ACACA: variants seen among roughly 807,000 people sequenced by gnomAD.
The protein encoded by ACACA is acetyl-CoA carboxylase alpha, also known as acetyl-CoA carboxylase 1.
Under a neutral mutation model 296.1 loss-of-function variants are expected in ACACA, and 103 were observed. That is an observed-to-expected ratio of 0.35 (90% confidence interval 0.30 to 0.41). The LOEUF is 0.41. ACACA is among the 10% of genes least tolerant of loss of function. The probability of loss-of-function intolerance (pLI) is 1.00; values close to 1 mark genes in which losing one functional copy is unlikely to be tolerated. For missense variants in ACACA, 1,554 were observed against 2,989.7 expected (o/e 0.52, Z 11.20); for synonymous variants, 953 against 1,038.6 (o/e 0.92, Z 1.58).
At chr17:37,190,333 A>C (rs1217673112) in intron 38 of ACACA, among the ~76,000 whole-genome samples, 1 of 152,016 alleles carries the variant, frequency 6.6e-6, no homozygotes, top group African/African-American at 2.4e-5. Context: ...GGGAGGCTGA[A>C]GCATGACAGT....
At chr17:37,146,701 G>C (rs1161665454) in intron 45 of ACACA, among the ~76,000 whole-genome samples, 1 of 147,200 alleles carries the variant, frequency 6.8e-6, no homozygotes, top group African/African-American at 2.5e-5. Flanking sequence ...TTGGAGAGGA[G>C]AGAGAAAGGG....
At chr17:37,201,287 A>G (rs570402452) in intron 33 of ACACA, among the ~76,000 whole-genome samples, 2 of 152,314 alleles carry the variant, frequency 1.3e-5, no homozygotes, top group South Asian at 4.1e-4. Context: ...AAAAATAGAA[A>G]AAAATGAGCC....
intron 3 of ACACA, among the ~76,000 whole-genome samples, chr17:37,291,538 TTGGGCCTCATCCAAAGCTGTCC>T (rs1330997408): frequency 6.6e-6 from 1 of 152,148 alleles, no homozygotes; most frequent in African/African-American, 2.4e-5. Context: ...CAAAGCTGTG[TTGGGCCTCATCCAAAGCTGTCC>T]TGGGCTACAT....
intron 15 of ACACA, 149 bp downstream of exon 15, chr17:37,252,737 G>A: frequency 2.0e-6 from 2 of 983,982 alleles, no homozygotes; most frequent in East Asian, 2.4e-5. Flanking sequence ...AACCATCAGA[G>A]TGCTAAAATT....
intron 35 of ACACA, among the ~76,000 whole-genome samples, chr17:37,198,456 T>C (rs2078101611): frequency 2.0e-5 from 3 of 152,242 alleles, no homozygotes; most frequent in Non-Finnish European, 2.9e-5. Flanking sequence ...GGCTCTGGCA[T>C]GTCTACCTTA....
chr17:37,158,935 G>C (rs2144355600), intron 42 of ACACA, among the ~76,000 whole-genome samples: 1 of 152,012 alleles, frequency 6.6e-6, no homozygotes, highest in African/African-American at 2.4e-5. Context: ...CTCAGCACTT[G>C]GGGAGGCCAA....
At chr17:37,096,927 C>A (rs976401908) in intron 54 of ACACA, 69 bp downstream of exon 54, 1 of 1,593,026 alleles carries the variant, frequency 6.3e-7, no homozygotes, top group African/African-American at 1.3e-5. Flanking sequence ...TCTTTGCTGG[C>A]GAGACTTGCA....
chr17:37,359,156 A>C (rs901658434), intron 1 of ACACA: 1 of 889,778 alleles, frequency 1.1e-6, no homozygotes, highest in Non-Finnish European at 1.3e-6. Context: ...CAGGGGCCTG[A>C]CCCGCCCCCG....
At chr17:37,277,224 A>G in intron 6 of ACACA, 110 bp from the exon 7 acceptor site, 2 of 931,522 alleles carry the variant, frequency 2.1e-6, no homozygotes, top group Non-Finnish European at 1.8e-6. Flanking sequence ...GTAGTTCCAC[A>G]GCAGCCTAAT....
At chr17:37,297,173 G>A (rs1318159817) in intron 3 of ACACA, among the ~76,000 whole-genome samples, 1 of 151,654 alleles carries the variant, frequency 6.6e-6, no homozygotes, top group African/African-American at 2.4e-5. Flanking sequence ...CGGGCGCGGT[G>A]GCTCACGCCT....
rs1240423958 is a variant in ACACA at position 37,297,544 on chromosome 17, T to TAC, written c.339-12575_339-12574insGT. On this transcript the variant is annotated intron_variant, in intron 3 of 55. Transcript: ENST00000616317. ...GTATATGTGTGTGTATATATATATA[T>TAC]ATACACTTTTTTTTTGAGATGGAGT... Among the ~76,000 whole-genome samples, 933 of 132,210 alleles carry TAC rather than the reference T, an allele frequency of 7.1e-3. 10 individuals carry two copies. Among genetic ancestry groups the TAC allele is most frequent in the African/African-American group, 0.032 (898 of 27,740 alleles). The allele number at this position is 132,210 out of a possible 152,430, so 86.7% of individuals were successfully genotyped here.
Position 37,248,582 on chromosome 17 carries a change from G to T in ACACA, c.2163+11C>A. On this transcript the variant is annotated intron_variant, in intron 17 of 55. Coordinates refer to ENST00000616317, the MANE Select transcript of ACACA (RefSeq NM_198834.3). ...AAAGTAAGGTGCAAGCTCCAATGGG[G>T]TTCTGCATACCTTAAGTACATACTT... The T allele has an allele frequency of 6.3e-7, 1 of 1,581,496 alleles. No homozygotes were observed. Among genetic ancestry groups the T allele is most frequent in the Non-Finnish European group, 8.7e-7 (1 of 1,151,254 alleles).
chr17:37,248,736 A>C, intron 16 of ACACA, 62 bp from the exon 17 acceptor site: 1 of 1,196,224 alleles, frequency 8.4e-7, no homozygotes, highest in Non-Finnish European at 1.2e-6. Flanking sequence ...AGAATCTAAA[A>C]CATTATTGAT....
Position 37,190,029 on chromosome 17 carries a change from G to GAA in ACACA, c.4572+1089_4572+1090dup, listed in dbSNP as rs34390024. 1.0e-3 allele frequency among the ~76,000 whole-genome samples: 134 copies of GAA among 133,474 alleles called. 1 individual carries two copies. The South Asian group carries it at 0.026, about 26-fold the overall frequency. The allele number at this position is 133,474 out of a possible 152,430, so 87.6% of individuals were successfully genotyped here. A position where few individuals can be genotyped will look rare whatever the true frequency, so the allele number is the denominator to read the frequency against. On this transcript the variant is annotated intron_variant, in intron 38 of 55. Coordinates refer to ENST00000616317, the MANE Select transcript of ACACA (RefSeq NM_198834.3). ...GTTTCTGTAAGAAAAAAAAGAAAAAGAAAAAAAAAAAAGCAGCAGCAGCAG... is the reference window on the plus strand; with the variant it reads ...GTTTCTGTAAGAAAAAAAAGAAAAAGAAAAAAAAAAAAAAGCAGCAGCAGCAG...
At chr17:37,354,729 A>T (rs2049054324) in intron 1 of ACACA, among the ~76,000 whole-genome samples, 1 of 151,948 alleles carries the variant, frequency 6.6e-6, no homozygotes, top group Non-Finnish European at 1.5e-5. Context: ...GTTCGAGACC[A>T]GTCTAGGCAG....
chr17:37,085,827 T>C lies in ACACA; in HGVS notation c.*1489A>G. ...GGTTAAGGCTCAGAACTGTGGCTTG[T>C]CCAAGAACGTTCATACCACTGCTTC... On this transcript the variant is annotated 3_prime_UTR_variant, in exon 56 of 56. Transcript: ENST00000616317. The C allele has an allele frequency of 2.5e-6, 1 of 399,106 alleles. No homozygotes were observed. 24.7% of individuals were successfully genotyped at this position (399,106 alleles called of 1,614,324 possible).
Position 37,154,495 on chromosome 17 carries a change from C to CT in ACACA, c.5447+1187dup, listed in dbSNP as rs376440026. On this transcript the variant is annotated intron_variant, in intron 43 of 55. Transcript: ENST00000616317. ...CAGTAAATAGTATTAGGACAATTAACTTTTTTTTTTCTTTTTTTTGAGATG... is the reference window on the plus strand; with the variant it reads ...CAGTAAATAGTATTAGGACAATTAACTTTTTTTTTTTCTTTTTTTTGAGATG... 8.8e-3 allele frequency among the ~76,000 whole-genome samples: 1,322 copies of CT among 150,008 alleles called. 19 individuals are homozygous for CT. Among genetic ancestry groups the CT allele is most frequent in the African/African-American group, 0.031 (1,250 of 40,910 alleles).
chr17:37,174,000 A>ATTT (rs2076993731), intron 41 of ACACA, among the ~76,000 whole-genome samples: 1 of 9,532 alleles, frequency 1.0e-4, no homozygotes, highest in African/African-American at 8.7e-4. Flanking sequence ...ATATATATAT[A>ATTT]TATATATATA....
At chr17:37,167,198 GATCC>G (rs1567752023) in intron 41 of ACACA, among the ~76,000 whole-genome samples, 1 of 140,508 alleles carries the variant, frequency 7.1e-6, no homozygotes, top group Non-Finnish European at 1.5e-5. Context: ...CTGACCTTGT[GATCC>G]GCCCGCCTTG....
Sources: allele counts gnomAD v4.1 joint callset (sites outside exome capture counted in the v4.1 genomes callset), GRCh38; gene constraint gnomAD v4.1.1; transcripts MANE v1.5; gene names NCBI Gene and HGNC (gene_info 2026-07-23, HGNC 2026-07-21).